Variants in PCDHGB3 observed in about 807,000 individuals in gnomAD.
PCDHGB3 encodes the protein protocadherin gamma subfamily B, 3.
A neutral mutation model predicts 59.2 loss-of-function variants in PCDHGB3; 40 were observed. The ratio of observed to expected loss-of-function variants is 0.68; its 90% CI spans 0.52 to 0.88. The LOEUF (loss-of-function observed/expected upper bound fraction) is 0.88, where lower values mean the gene tolerates loss of function less well. Ranked by LOEUF, PCDHGB3 falls within the 40% of genes least tolerant of loss-of-function variation. The pLI, the probability that PCDHGB3 is intolerant of heterozygous loss-of-function variation, is 0.00. For synonymous variants in PCDHGB3, 581 were observed against 503.6 expected, an observed-to-expected ratio of 1.15 and a Z score of -2.06; for missense variants, 1,309 against 1,187.9, an observed-to-expected ratio of 1.10 and a Z score of -1.50.
chr5:141,484,002 A>T, intron 1 of PCDHGB3, among the ~76,000 whole-genome samples: 1 of 25,484 alleles, frequency 3.9e-5, no homozygotes, highest in African/African-American at 1.7e-4. Context: ...GGAGGTCTGG[A>T]TGAGGGTGGG....
At chr5:141,392,871 C>T (rs2092620267) in intron 1 of PCDHGB3, 2 of 1,613,280 alleles carry the variant, frequency 1.2e-6, no homozygotes, top group Admixed American at 1.7e-5. Flanking sequence ...GTGCGCGCTG[C>T]TGGGAACGCT....
intron 1 of PCDHGB3, chr5:141,389,866 T>C: frequency 6.2e-7 from 1 of 1,614,082 alleles, no homozygotes; most frequent in South Asian, 1.1e-5. Context: ...TTGCACCTGG[T>C]CTTCGCCGAC....
intron 1 of PCDHGB3, among the ~76,000 whole-genome samples, chr5:141,381,220 G>C (rs912985270): frequency 6.6e-6 from 1 of 152,190 alleles, no homozygotes; most frequent in African/African-American, 2.4e-5. Context: ...TCTCCTCCTG[G>C]TTCCACCAAC....
Position 141,372,057 on chromosome 5 carries a change from C to T in PCDHGB3, c.1663C>T (p.Arg555Cys), listed in dbSNP as rs1228775419. Residue 555 changes from arginine (R) to cysteine (C), a missense_variant, in exon 1 of 4, where the codon CGC (arginine) becomes TGC (cysteine). By Grantham distance (180) the Arg-to-Cys change is radical (BLOSUM62 -3). Transcript: ENST00000576222. ...GAGCCTGCGCGTGTTGGTGGACGACCGCAACGACAATGCACCGCTGGTGCT... is the reference window on the plus strand; with the variant it reads ...GAGCCTGCGCGTGTTGGTGGACGACTGCAACGACAATGCACCGCTGGTGCT... The part of the protein sequence containing the change: ...NVSLRVLVDD[R>C]NDNAPLVLYP... 3 of 1,613,552 alleles carry T rather than the reference C, an allele frequency of 1.9e-6. No homozygotes were observed. The highest frequency in any genetic ancestry group is 2.7e-5 in the African/African-American group (2 of 75,050).
rs144613597 is a variant in PCDHGB3, at chr5:141,483,029, G to A, written c.2416-11778G>A. 3.9e-3 allele frequency among the ~76,000 whole-genome samples: 588 copies of A among 152,220 alleles called. 6 individuals are homozygous for A. Among genetic ancestry groups the A allele is most frequent in the Admixed American group, 0.011 (169 of 15,280 alleles). ...GAACCCGGGAGGCAGAGGTTGCAAT[G>A]AGCTGGTGTCAGGCCACTGCACTCC... On this transcript the variant is annotated intron_variant, in intron 1 of 3. Transcript: ENST00000576222.
intron 1 of PCDHGB3, chr5:141,415,156 A>T: frequency 6.2e-7 from 1 of 1,613,798 alleles, no homozygotes. Flanking sequence ...TCTCTCCGCC[A>T]CTGTCACGCT....
chr5:141,477,992 G>T lies in PCDHGB3; in HGVS notation c.2416-16815G>T. The T allele has an allele frequency of 6.2e-7, 1 of 1,614,108 alleles. No individual in the cohort carries two copies. Among genetic ancestry groups the T allele is most frequent in the Non-Finnish European group, 8.5e-7 (1 of 1,180,024 alleles). On this transcript the variant is annotated intron_variant, in intron 1 of 3. Transcript: ENST00000576222. The surrounding 1 kb of genome is among the most constrained non-coding windows in gnomAD (Gnocchi z 4.9). Reference sequence around the variant, plus strand: ...CCTTTTTGCCATAGGGCTGCACACTGGTCAAATCAGTACTGCCCGTCCAGT... The same window carrying T: ...CCTTTTTGCCATAGGGCTGCACACTTGTCAAATCAGTACTGCCCGTCCAGT...
Position 141,489,712 on chromosome 5 carries a change from C to G in PCDHGB3, c.2416-5095C>G. On this transcript the variant is annotated intron_variant, in intron 1 of 3. Transcript: ENST00000576222. The surrounding 1 kb of genome is among the most constrained non-coding windows in gnomAD (Gnocchi z 4.5). ...GGCACGATTCCCACTGGACAGTGCC[C>G]AGGATCCGGATGTGGGCACCAATAC... The G allele has an allele frequency of 6.2e-7, 1 of 1,614,162 alleles. No individual in the cohort carries two copies. Among genetic ancestry groups the G allele is most frequent in the South Asian group, 1.1e-5 (1 of 91,078 alleles).
chr5:141,387,766 T>G, intron 1 of PCDHGB3: 1 of 1,434,120 alleles, frequency 7.0e-7, no homozygotes, highest in Non-Finnish European at 9.3e-7. Context: ...AAAGAAGAAT[T>G]TTTTCTTGAA....
At position 141,371,141 on chromosome 5, in the gene PCDHGB3, C is replaced by A; in HGVS notation, c.747C>A (p.Val249=). ...PPVFTQDMYR[V]NVAENLPAGS... is the part of the protein sequence containing the mutation. ...TATTTACTCAGGACATGTACAGGGT[C>A]AATGTTGCAGAGAACCTGCCCGCTG... Residue 249 remains valine (V), a synonymous_variant, in exon 1 of 4, where the codon GTC becomes GTA. Coordinates refer to ENST00000576222, the MANE Select transcript of PCDHGB3 (RefSeq NM_018924.5). The A allele has an allele frequency of 2.2e-5, 35 of 1,613,982 alleles. No individual in the cohort carries two copies. Among genetic ancestry groups the A allele is most frequent in the Non-Finnish European group, 2.8e-5 (33 of 1,179,904 alleles).
intron 1 of PCDHGB3, chr5:141,423,057 T>C (rs1443300486): frequency 6.2e-7 from 1 of 1,614,060 alleles, no homozygotes; most frequent in Non-Finnish European, 8.5e-7. Flanking sequence ...ATCGCCTGCT[T>C]AAGGCCAGCG....
At chr5:141,410,302 A>G (rs1332359508) in intron 1 of PCDHGB3, 1 of 1,613,356 alleles carries the variant, frequency 6.2e-7, no homozygotes, top group Non-Finnish European at 8.5e-7. Context: ...CCTTAATCTC[A>G]GTGCTCTTCC....
intron 1 of PCDHGB3, chr5:141,426,745 A>G (rs866203428): frequency 6.2e-5 from 28 of 454,130 alleles, no homozygotes; most frequent in Middle Eastern, 6.5e-4. Context: ...TTTGGCCTGG[A>G]ATCTGCTATA....
chr5:141,414,635 A>G (rs753834653), intron 1 of PCDHGB3: 72 of 1,613,866 alleles, frequency 4.5e-5, no homozygotes, highest in Admixed American at 2.0e-4. Flanking sequence ...GACAGCAAAG[A>G]GAATGCCCAG....
At chr5:141,420,501 A>T in intron 1 of PCDHGB3, 1 of 469,392 alleles carries the variant, frequency 2.1e-6, no homozygotes, top group East Asian at 4.1e-5. Context: ...CTCCGGTGAC[A>T]TTTTTATGAA....
intron 1 of PCDHGB3, chr5:141,389,735 G>A: frequency 6.2e-7 from 1 of 1,612,708 alleles, no homozygotes; most frequent in Non-Finnish European, 8.5e-7. Flanking sequence ...TCTTCAGCCT[G>A]GGGCTGCGCA....
chr5:141,374,244 T>C, intron 1 of PCDHGB3: 3 of 1,613,992 alleles, frequency 1.9e-6, no homozygotes, highest in Non-Finnish European at 2.5e-6. Context: ...GATCTGGGAC[T>C]GGAGCCCCAG....
intron 1 of PCDHGB3, chr5:141,428,419 CTCTGT>C (rs2097138377): frequency 4.4e-6 from 2 of 451,802 alleles, no homozygotes; most frequent in African/African-American, 2.0e-5. Context: ...TCACCCTGGT[CTCTGT>C]TCTAAGACTA....
At chr5:141,382,690 G>C in intron 1 of PCDHGB3, 1 of 448,422 alleles carries the variant, frequency 2.2e-6, no homozygotes, top group Non-Finnish European at 3.9e-6. Context: ...AGGGAAAAAT[G>C]GTGCGAGAGA....
Sources: allele counts gnomAD v4.1 joint callset (sites outside exome capture counted in the v4.1 genomes callset), GRCh38; gene constraint gnomAD v4.1.1; non-coding constraint Gnocchi (gnomAD v3.1); transcripts MANE v1.5; gene names NCBI Gene and HGNC (gene_info 2026-07-23, HGNC 2026-07-21).